NIN: variants seen among roughly 807,000 people sequenced by gnomAD.
NIN encodes the protein glycogen synthase kinase 3 beta-interacting protein.
NIN carries 137 observed loss-of-function variants against 257.6 expected under a neutral mutation model. The observed-to-expected ratio is 0.53, with a 90% CI of 0.46 to 0.61. NIN has a LOEUF of 0.61. Ranked by LOEUF, NIN falls within the 20% of genes least tolerant of loss-of-function variation. The pLI is 0.00. For synonymous variants in NIN, 918 were observed against 919.8 expected, an observed-to-expected ratio of 1.00 and a Z score of 0.04; for missense variants, 2,439 against 2,501.2, an observed-to-expected ratio of 0.98 and a Z score of 0.53.
At chr14:50,725,909 C>G (rs770215006) in intron 30 of NIN, 44 bp downstream of exon 30, 1 of 1,613,714 alleles carries the variant, frequency 6.2e-7, no homozygotes. Flanking sequence ...GGAGTTAAAG[C>G]TGGAATGTGA....
chr14:50,725,905 A>G, intron 30 of NIN, 48 bp downstream of exon 30: 1 of 1,613,942 alleles, frequency 6.2e-7, no homozygotes, highest in Non-Finnish European at 8.5e-7. Flanking sequence ...AACTGGAGTT[A>G]AAGCTGGAAT....
At chr14:50,761,182 A>G (rs1277576872) in intron 16 of NIN, among the ~76,000 whole-genome samples, 1 of 152,128 alleles carries the variant, frequency 6.6e-6, no homozygotes, top group Admixed American at 6.5e-5. Context: ...CAAAGGAGGG[A>G]AAAAAATCAC....
In NIN at chr14:50,725,003, T is replaced by TC. The variant is rs944130649; in HGVS notation, c.6192+949dup. Among the ~76,000 whole-genome samples the TC allele has an allele frequency of 4.6e-5, 7 of 152,184 alleles. 1 individual carries two copies. Among genetic ancestry groups the TC allele is most frequent in the African/African-American group, 1.4e-4 (6 of 41,432 alleles). ...CATTCTATATGGGCAGGGGCTTTGT[T>TC]CACTGTTGTATCCCTGTGCCCACGG... On this transcript the variant is annotated intron_variant, in intron 30 of 30. Coordinates refer to ENST00000530997, the MANE Select transcript of NIN (RefSeq NM_020921.4).
chr14:50,826,620 TCAAC>T (rs1290557237), intron 2 of NIN, among the ~76,000 whole-genome samples: 1 of 152,118 alleles, frequency 6.6e-6, no homozygotes, highest in Non-Finnish European at 1.5e-5. Flanking sequence ...TTTTCAGTGT[TCAAC>T]CAAGGTACAG....
chr14:50,818,394 T>C (rs1311851327), intron 3 of NIN, among the ~76,000 whole-genome samples: 4 of 151,574 alleles, frequency 2.6e-5, no homozygotes, highest in Non-Finnish European at 5.9e-5. Context: ...CTTCATGTCC[T>C]GATTTCTAAT....
rs374977581 is a variant in NIN, at chr14:50,756,646, G to A, written c.4384C>T (p.Gln1462Ter). Reference sequence around the variant, plus strand: ...TCCTTCAACTTCCTAGTCAGCTCCTGTAACTTTGTTTTCTCCAGTTCTAAC... The same window carrying A: ...TCCTTCAACTTCCTAGTCAGCTCCTATAACTTTGTTTTCTCCAGTTCTAAC... ...AELELEKTKL[Q>*]ELTRKLKERV... Residue 1462 changes from glutamine to a stop codon, truncating the protein, a stop_gained, in exon 18 of 31, where the codon CAG (glutamine) becomes TAG (stop). Transcript: ENST00000530997. LOFTEE classifies it high-confidence loss of function. 1.9e-6 allele frequency: 3 copies of A among 1,554,802 alleles called. No individual in the cohort carries two copies. Among genetic ancestry groups the A allele is most frequent in the Non-Finnish European group, 1.7e-6 (2 of 1,148,270 alleles).
chr14:50,758,691 A>G (rs1186470914), intron 17 of NIN, 61 bp from the exon 18 acceptor site: 1 of 1,476,286 alleles, frequency 6.8e-7, no homozygotes, highest in East Asian at 2.3e-5. Flanking sequence ...GCAAACAAAA[A>G]CCATTTTCCC....
At chr14:50,817,727 G>C (rs1185160581) in intron 3 of NIN, among the ~76,000 whole-genome samples, 1 of 152,058 alleles carries the variant, frequency 6.6e-6, no homozygotes, top group South Asian at 2.1e-4. Context: ...ACTACGTAAG[G>C]AGTTTTTGAA....
chr14:50,727,857 C>A, intron 29 of NIN: 1 of 902,334 alleles, frequency 1.1e-6, no homozygotes, highest in Non-Finnish European at 1.7e-6. Context: ...TAAAAGCACA[C>A]ACATTAACAC....
At chr14:50,790,246 AG>A (rs1258509910) in intron 5 of NIN, among the ~76,000 whole-genome samples, 1 of 152,106 alleles carries the variant, frequency 6.6e-6, no homozygotes, top group Admixed American at 6.5e-5. Context: ...CGTAGAAACA[AG>A]GTCTCATTAT....
rs763980946 is a variant in NIN, at chr14:50,772,471, G to A, written c.814-3C>T. ...CGTCGTCCACTCTCATCGAAAGACT[G>A]GAAGGAGGAAGAGACTTGAGTAAGC... On this transcript the variant is annotated splice_polypyrimidine_tract_variant and splice_region_variant and intron_variant, in intron 8 of 30. Coordinates refer to ENST00000530997, the MANE Select transcript of NIN (RefSeq NM_020921.4). 10 of 1,613,786 alleles carry A rather than the reference G, an allele frequency of 6.2e-6. No homozygotes were observed. The South Asian group carries it at 8.8e-5, about 14-fold the overall frequency.
chr14:50,750,728 C>T (rs1334272686), intron 21 of NIN, among the ~76,000 whole-genome samples: 5 of 152,220 alleles, frequency 3.3e-5, no homozygotes, highest in Non-Finnish European at 5.9e-5. Context: ...TTTCTTCCCC[C>T]ACCACTACCA....
intron 4 of NIN, among the ~76,000 whole-genome samples, chr14:50,798,019 G>C (rs1253621198): frequency 6.6e-6 from 1 of 152,016 alleles, no homozygotes; most frequent in African/African-American, 2.4e-5. Flanking sequence ...AAGGGAGAAG[G>C]GGAGGCCAAG....
intron 9 of NIN, 56 bp downstream of exon 9, chr14:50,772,245 T>C: frequency 2.0e-6 from 3 of 1,464,212 alleles, no homozygotes; most frequent in Admixed American, 2.0e-5. Context: ...AAAATAAAAT[T>C]GAAAATTTTC....
chr14:50,773,188 G>T, intron 7 of NIN, 93 bp from the exon 8 acceptor site: 1 of 944,516 alleles, frequency 1.1e-6, no homozygotes, highest in South Asian at 1.7e-5. Flanking sequence ...TACCATGGTT[G>T]GTCCCAGGAC....
chr14:50,772,545 C>A, intron 8 of NIN, 77 bp from the exon 9 acceptor site: 13 of 1,276,592 alleles, frequency 1.0e-5, no homozygotes, highest in South Asian at 2.5e-5. Context: ...GCCCTGACCA[C>A]GATGGGTAGA....
intron 3 of NIN, among the ~76,000 whole-genome samples, chr14:50,810,446 A>G (rs1335051696): frequency 6.6e-6 from 1 of 151,956 alleles, no homozygotes; most frequent in Admixed American, 6.6e-5. Context: ...CATCCCAGCT[A>G]TTTGGGAGGC....
rs563909258 is a variant in NIN, at chr14:50,816,825, C to G, written c.183+5049G>C. Among the ~76,000 whole-genome samples the G allele has an allele frequency of 4.9e-4, 75 of 152,252 alleles. 1 individual carries two copies. In the South Asian group the frequency reaches 0.015, roughly 29 times the overall value. ...GAGAATGGCCATTTAGCATTTGTTC[C>G]TCCCTGCCTGTTCTAAGTCCAGGCC... On this transcript the variant is annotated intron_variant, in intron 3 of 30. Coordinates refer to ENST00000530997, the MANE Select transcript of NIN (RefSeq NM_020921.4).
chr14:50,752,016 T>C (rs1419123406), intron 21 of NIN, among the ~76,000 whole-genome samples: 1 of 152,208 alleles, frequency 6.6e-6, no homozygotes, highest in African/African-American at 2.4e-5. Flanking sequence ...GTTTATGGTA[T>C]CTTTTTGCCA....
Sources: gnomAD v4.1 joint callset for allele counts (sites outside exome capture counted in the v4.1 genomes callset) on GRCh38, gnomAD v4.1.1 for gene constraint, MANE v1.5 for transcripts, NCBI Gene and HGNC (gene_info 2026-07-23, HGNC 2026-07-21) for gene names.